DNAH8: variants seen among roughly 807,000 people sequenced by gnomAD.
DNAH8 encodes axonemal beta dynein heavy chain 8.
Under a neutral mutation model 562.1 loss-of-function variants are expected in DNAH8, and 382 were observed. The ratio of observed to expected loss-of-function variants is 0.68; its 90% confidence interval spans 0.63 to 0.74. The LOEUF is 0.74. Ranked by LOEUF, DNAH8 falls within the 30% of genes least tolerant of loss-of-function variation. The pLI is 0.00. For synonymous variants in DNAH8, 1,881 were observed against 1,919.4 expected (o/e 0.98, Z 0.52); for missense variants, 5,203 against 5,620.4 (o/e 0.93, Z 2.37).
At chr6:38,724,025 C>G (rs137922997) in intron 3 of DNAH8, among the ~76,000 whole-genome samples, 1,729 of 151,524 alleles carry the variant, frequency 0.011, 33 homozygotes, top group African/African-American at 0.039. Context: ...GAGTCTTGCT[C>G]TGTCACCAGG....
chr6:39,017,900 C>T (rs1295465581), intron 91 of DNAH8, among the ~76,000 whole-genome samples: 3 of 152,138 alleles, frequency 2.0e-5, no homozygotes. Flanking sequence ...TAAAAGTCTG[C>T]CGTTTGTGGA....
intron 49 of DNAH8, 41 bp from the exon 50 acceptor site, chr6:38,872,495 C>A: frequency 6.3e-7 from 1 of 1,594,362 alleles, no homozygotes; most frequent in East Asian, 2.2e-5. Flanking sequence ...CAGCAAGAGA[C>A]TCATAAATTA....
At chr6:38,913,796 A>G in intron 66 of DNAH8, 53 bp from the exon 67 acceptor site, 1 of 1,203,368 alleles carries the variant, frequency 8.3e-7, no homozygotes, top group Non-Finnish European at 1.2e-6. Context: ...TAAATATTTG[A>G]TGAAGGCATA....
chr6:39,021,896 C>T (rs1231149828), intron 91 of DNAH8, among the ~76,000 whole-genome samples: 2 of 152,204 alleles, frequency 1.3e-5, no homozygotes, highest in Non-Finnish European at 2.9e-5. Context: ...TTATTTCTTT[C>T]ACCTTTTCTA....
chr6:38,915,909 TAC>T (rs1781280602), intron 68 of DNAH8, among the ~76,000 whole-genome samples: 1 of 152,012 alleles, frequency 6.6e-6, no homozygotes, highest in East Asian at 1.9e-4. Flanking sequence ...TGTGGATATA[TAC>T]ACACATATAT....
intron 80 of DNAH8, among the ~76,000 whole-genome samples, chr6:38,946,810 G>A (rs1761464680): frequency 7.5e-6 from 1 of 133,830 alleles, no homozygotes; most frequent in South Asian, 2.4e-4. Flanking sequence ...ACTCTGTCTT[G>A]GGGGAAAAAA....
chr6:38,770,387 C>T, intron 11 of DNAH8, 26 bp from the exon 12 acceptor site: 1 of 1,472,930 alleles, frequency 6.8e-7, no homozygotes, highest in East Asian at 2.3e-5. Context: ...ACTTTCTTTT[C>T]CCTATTTCTT....
chr6:38,926,012 C>G, intron 73 of DNAH8, 43 bp from the exon 74 acceptor site: 1 of 1,566,996 alleles, frequency 6.4e-7, no homozygotes, highest in Non-Finnish European at 8.7e-7. Context: ...TGAGGGCATT[C>G]CTGTTCTCCT....
chr6:39,025,841 C>T (rs1767238150), intron 91 of DNAH8, among the ~76,000 whole-genome samples: 1 of 132,056 alleles, frequency 7.6e-6, no homozygotes, highest in African/African-American at 2.5e-5. Flanking sequence ...TTTTGAAGTC[C>T]AGTTTGAAGT....
At chr6:38,753,331 T>G (rs551813228) in intron 9 of DNAH8, among the ~76,000 whole-genome samples, 1 of 152,354 alleles carries the variant, frequency 6.6e-6, no homozygotes, top group East Asian at 1.9e-4. Flanking sequence ...TCCCCAACTT[T>G]ACAATGTGAG....
At chr6:38,752,168 C>T (rs180982691) in intron 9 of DNAH8, among the ~76,000 whole-genome samples, 1 of 151,156 alleles carries the variant, frequency 6.6e-6, no homozygotes, top group Non-Finnish European at 1.5e-5. Context: ...TTCCTCCCCC[C>T]ACCCCACCAC....
At chr6:38,818,873 C>G (rs1436586072) in intron 26 of DNAH8, among the ~76,000 whole-genome samples, 1 of 152,226 alleles carries the variant, frequency 6.6e-6, no homozygotes, top group Non-Finnish European at 1.5e-5. Context: ...GAAACTTATT[C>G]ATTCCTCAGA....
intron 81 of DNAH8, 148 bp from the exon 82 acceptor site, chr6:38,951,170 A>G: frequency 1.4e-6 from 1 of 695,422 alleles, no homozygotes; most frequent in Non-Finnish European, 2.4e-6. Context: ...CTGTGATAGG[A>G]AACCTTGCCA....
At chr6:38,984,932 T>C (rs1276363326) in intron 87 of DNAH8, among the ~76,000 whole-genome samples, 1 of 152,154 alleles carries the variant, frequency 6.6e-6, no homozygotes, top group Non-Finnish European at 1.5e-5. Context: ...CCACTGCCCC[T>C]CCTCCATCTT....
chr6:39,022,157 A>G (rs1182511291), intron 91 of DNAH8, among the ~76,000 whole-genome samples: 1 of 152,224 alleles, frequency 6.6e-6, no homozygotes, highest in Non-Finnish European at 1.5e-5. Flanking sequence ...GATGAAAAAA[A>G]TCATTTGGAT....
chr6:38,805,403 A>C, intron 22 of DNAH8, 78 bp from the exon 23 acceptor site: 1 of 852,214 alleles, frequency 1.2e-6, no homozygotes, highest in Non-Finnish European at 1.9e-6. Context: ...GGAACTTCCT[A>C]AGAGGATTTG....
rs1352628002 is a variant in DNAH8, at chr6:38,796,991, A to G, written c.2901+5317A>G. 3.9e-5 allele frequency among the ~76,000 whole-genome samples: 6 copies of G among 152,320 alleles called. No individual in the cohort carries two copies. In the East Asian group the frequency reaches 5.8e-4, roughly 15 times the overall value. Reference sequence around the variant, plus strand: ...CGTTTTCCTGACTGGAGCCTAACTGATAACTTCTGTCTCGATAGATCTACC... The same window carrying G: ...CGTTTTCCTGACTGGAGCCTAACTGGTAACTTCTGTCTCGATAGATCTACC... On this transcript the variant is annotated intron_variant, in intron 21 of 92. Transcript: ENST00000327475.
intron 41 of DNAH8, among the ~76,000 whole-genome samples, chr6:38,853,932 T>C (rs1775971031): frequency 6.6e-6 from 1 of 152,112 alleles, no homozygotes; most frequent in Non-Finnish European, 1.5e-5. Context: ...GTACAGTTTC[T>C]ACTAAATGCA....
intron 76 of DNAH8, chr6:38,932,873 C>G (rs1434272604): frequency 2.0e-5 from 3 of 152,276 alleles, no homozygotes; most frequent in Non-Finnish European, 4.4e-5. Flanking sequence ...AGGCAACATC[C>G]TACCTGGCTC....
Sources: allele counts gnomAD v4.1 joint callset (sites outside exome capture counted in the v4.1 genomes callset), GRCh38; gene constraint gnomAD v4.1.1; transcripts MANE v1.5; gene names NCBI Gene and HGNC (gene_info 2026-07-23, HGNC 2026-07-21).